Variants in NBAS observed in about 807,000 individuals in gnomAD.
NBAS encodes the protein NBAS subunit of NRZ tethering complex.
In NBAS, 219 loss-of-function variants were observed where a neutral mutation model predicts 302.5. The observed-to-expected ratio is 0.72, with a 90% confidence interval of 0.65 to 0.81. The LOEUF is 0.81. Among genes scored for constraint, NBAS ranks in the 30% least tolerant of loss-of-function variants. NBAS has a pLI of 0.00. For synonymous variants in NBAS, 1,118 were observed against 1,021.6 expected, an observed-to-expected ratio of 1.09 and a Z score of -1.80; for missense variants, 2,932 against 2,841.6, an observed-to-expected ratio of 1.03 and a Z score of -0.72.
At chr2:15,079,793 A>G in the NBAS span, among the ~76,000 whole-genome samples, 1 of 152,158 alleles carries the variant, frequency 6.6e-6, no homozygotes, top group Non-Finnish European at 1.5e-5. Flanking sequence ...GCAGGCGGTT[A>G]GCACTTTAAG....
At chr2:15,158,694 C>T in the NBAS span, among the ~76,000 whole-genome samples, 3 of 152,178 alleles carry the variant, frequency 2.0e-5, no homozygotes, top group Non-Finnish European at 2.9e-5. Context: ...AGGTGGGGCT[C>T]GACTTTCCTC....
At chr2:15,028,957 T>A in the NBAS span, among the ~76,000 whole-genome samples, 7 of 152,348 alleles carry the variant, frequency 4.6e-5, no homozygotes, top group Non-Finnish European at 8.8e-5. Context: ...TCGGTGTCAT[T>A]CAGCACTAAA....
At chr2:15,055,437 T>C in the NBAS span, among the ~76,000 whole-genome samples, 4 of 152,154 alleles carry the variant, frequency 2.6e-5, no homozygotes, top group South Asian at 2.1e-4. Flanking sequence ...CCTCTACTCT[T>C]CCTGAATAAT....
chr2:15,176,457 A>AGG, intron 51 of NBAS, among the ~76,000 whole-genome samples: 1 of 148,786 alleles, frequency 6.7e-6, no homozygotes, highest in Non-Finnish European at 1.5e-5. Context: ...TGTCACATGG[A>AGG]GACACACACA....
chr2:14,956,234 T>C, the NBAS span, among the ~76,000 whole-genome samples: 1 of 152,222 alleles, frequency 6.6e-6, no homozygotes, highest in African/African-American at 2.4e-5. Flanking sequence ...CTGGACTTCA[T>C]TGTCCACATC....
chr2:15,011,745 C>T, the NBAS span, among the ~76,000 whole-genome samples: 1 of 152,154 alleles, frequency 6.6e-6, no homozygotes, highest in Non-Finnish European at 1.5e-5. Flanking sequence ...CCAGCAAATT[C>T]ATGCCACCAC....
At chr2:15,062,323 A>T in the NBAS span, among the ~76,000 whole-genome samples, 1 of 152,216 alleles carries the variant, frequency 6.6e-6, no homozygotes, top group African/African-American at 2.4e-5. Flanking sequence ...ATCGCTAAAC[A>T]GAAAATGTAG....
the NBAS span, among the ~76,000 whole-genome samples, chr2:14,914,269 C>T: frequency 2.0e-5 from 3 of 152,176 alleles, no homozygotes; most frequent in Admixed American, 2.0e-4. Context: ...TCACACACCA[C>T]ACCCAACACT....
At chr2:14,946,542 CA>C in the NBAS span, among the ~76,000 whole-genome samples, 1 of 152,098 alleles carries the variant, frequency 6.6e-6, no homozygotes, top group Non-Finnish European at 1.5e-5. Context: ...GTATATAAAG[CA>C]AATACTAATA....
chr2:15,317,864 C>A (rs574717038), intron 38 of NBAS, among the ~76,000 whole-genome samples: 2 of 152,284 alleles, frequency 1.3e-5, no homozygotes, highest in Non-Finnish European at 2.9e-5. Context: ...CCTAGCAAGA[C>A]AGGCTAACAT....
the NBAS span, among the ~76,000 whole-genome samples, chr2:15,157,850 C>T: frequency 6.6e-6 from 1 of 152,222 alleles, no homozygotes; most frequent in African/African-American, 2.4e-5. Context: ...CTTAGCCTCC[C>T]TTGCCTCTGT....
At chr2:15,169,700 CTT>C (rs973194388) in intron 51 of NBAS, among the ~76,000 whole-genome samples, 1 of 152,204 alleles carries the variant, frequency 6.6e-6, no homozygotes, top group African/African-American at 2.4e-5. Flanking sequence ...GAGCAGAGAT[CTT>C]GTCTCTTCTG....
At chr2:15,351,971 C>A (rs75096490) in intron 35 of NBAS, 21 bp downstream of exon 35, 1 of 1,568,470 alleles carries the variant, frequency 6.4e-7, no homozygotes, top group Admixed American at 1.7e-5. Context: ...TTTCAAACTC[C>A]GCTCCCTCAT....
Position 15,347,227 on chromosome 2 carries a change from A to T in NBAS, c.4179+4765T>A, listed in dbSNP as rs138178162. On this transcript the variant is annotated intron_variant, in intron 35 of 51. Coordinates refer to ENST00000281513, the MANE Select transcript of NBAS (RefSeq NM_015909.4). Reference sequence around the variant, plus strand: ...TTGTGGAAATGTAAAACATGTGCAGACACTTTGGAAAACAAAAAGTTTGGC... The same window carrying T: ...TTGTGGAAATGTAAAACATGTGCAGTCACTTTGGAAAACAAAAAGTTTGGC... Among the ~76,000 whole-genome samples, 5 of 152,348 alleles carry T rather than the reference A, an allele frequency of 3.3e-5. No homozygotes were observed. The East Asian group carries it at 9.6e-4, about 29-fold the overall frequency.
the NBAS span, among the ~76,000 whole-genome samples, chr2:14,998,656 C>G: frequency 6.6e-6 from 1 of 152,170 alleles, no homozygotes. Context: ...ACATTCTAGA[C>G]TTGTATGTGA....
At chr2:14,843,563 C>T in the NBAS span, among the ~76,000 whole-genome samples, 1 of 138,190 alleles carries the variant, frequency 7.2e-6, no homozygotes, top group South Asian at 2.1e-4. Flanking sequence ...CACAGACACA[C>T]ACACACACAC....
At chr2:15,270,719 C>A (rs1669280238) in intron 44 of NBAS, among the ~76,000 whole-genome samples, 1 of 152,138 alleles carries the variant, frequency 6.6e-6, no homozygotes, top group South Asian at 2.1e-4. Flanking sequence ...CAATGTACTT[C>A]TCAATTAACA....
the NBAS span, among the ~76,000 whole-genome samples, chr2:14,921,571 G>A: frequency 2.3e-4 from 35 of 152,340 alleles, 1 homozygote; most frequent in Admixed American, 2.3e-3. Context: ...CTTAACTGTT[G>A]TGATGTCCTT....
At chr2:15,529,430 C>A (rs1410250649) in intron 9 of NBAS, among the ~76,000 whole-genome samples, 1 of 152,068 alleles carries the variant, frequency 6.6e-6, no homozygotes, top group Non-Finnish European at 1.5e-5. Context: ...GAGGTCGAGG[C>A]TGCAGTAAGC....
Sources: allele counts gnomAD v4.1 joint callset (sites outside exome capture counted in the v4.1 genomes callset), GRCh38; gene constraint gnomAD v4.1.1; transcripts MANE v1.5; gene names NCBI Gene and HGNC (gene_info 2026-07-23, HGNC 2026-07-21).